The following CSF2RA variants were observed in gnomAD, a reference collection of about 807,000 sequenced individuals.
The protein encoded by CSF2RA is colony stimulating factor 2 receptor subunit alpha.
CSF2RA carries 42 observed loss-of-function variants against 51.6 expected under a neutral mutation model. The observed-to-expected ratio is 0.81, with a 90% CI of 0.64 to 1.05. The LOEUF is 1.05. Among genes scored for constraint, CSF2RA ranks in the 50% least tolerant of loss-of-function variants. The pLI is 0.00. For missense variants in CSF2RA, 530 were observed against 501.1 expected, an observed-to-expected ratio of 1.06 and a Z score of -0.55; for synonymous variants, 222 against 193.0, an observed-to-expected ratio of 1.15 and a Z score of -1.24.
At chrX:1,308,357 G>T (rs749855211) in intron 12 of CSF2RA, among the ~76,000 whole-genome samples, 2 of 152,228 alleles carry the variant, frequency 1.3e-5, no homozygotes, top group South Asian at 4.1e-4. Context: ...AGAGATGGGG[G>T]TGGAAGAAGG....
At position 1,294,328 on chromosome X, in the gene CSF2RA, A is replaced by G; in HGVS notation, c.647A>G (p.Glu216Gly). Residue 216 changes from glutamate to glycine, a missense_variant and splice_region_variant, in exon 8 of 13, where the codon GAA becomes GGA. Physicochemically the swap from Glu to Gly is moderately conservative, Grantham distance 98. Coordinates refer to ENST00000381529, the MANE Select transcript of CSF2RA (RefSeq NM_172245.4). Reference sequence around the variant, plus strand: ...GGTGTGTCCTGCGCCCTCGTTACAGAACGATTCAACCCTCCCAGCAATGTC... The same window carrying G: ...GGTGTGTCCTGCGCCCTCGTTACAGGACGATTCAACCCTCCCAGCAATGTC... Reference protein sequence around the residue: ...FDSLLDTKKIERFNPPSNVTV... With the variant: ...FDSLLDTKKIGRFNPPSNVTV... The G allele has an allele frequency of 6.2e-7, 1 of 1,613,270 alleles. No homozygotes were observed. Among genetic ancestry groups the G allele is most frequent in the Non-Finnish European group, 8.5e-7 (1 of 1,179,838 alleles).
chrX:1,322,925 C>T, the CSF2RA span, among the ~76,000 whole-genome samples: 17 of 149,826 alleles, frequency 1.1e-4, no homozygotes, highest in Admixed American at 6.7e-4. Context: ...GTCAGGAGAT[C>T]GAGACCATCC....
downstream of CSF2RA, among the ~76,000 whole-genome samples, chrX:1,313,568 C>T: frequency 6.8e-6 from 1 of 147,530 alleles, no homozygotes; most frequent in Non-Finnish European, 1.5e-5. Flanking sequence ...AAAAAAAAGC[C>T]AGGTGTGGTG....
At chrX:1,314,879 C>CAAAGGAAG (rs1569515074), downstream of CSF2RA, among the ~76,000 whole-genome samples, 1 of 77,344 alleles carries the variant, frequency 1.3e-5, no homozygotes, top group African/African-American at 4.6e-5. Context: ...CGCACTGCAC[C>CAAAGGAAG]TGCCCAACCA....
rs377301627 is a variant in CSF2RA, at chrX:1,282,725, C to G, written c.22C>G (p.Leu8Val). MLLLVTS[L>V]LLCELPHPAF... ...CACCATGCTTCTCCTGGTGACAAGC[C>G]TTCTGCTCTGTGAGTTACCACACCC... The change falls in exon 3 of 13, where the codon CTT (leucine) becomes GTT (valine). Residue 8 changes from leucine (L) to valine (V), a missense_variant. Physicochemically the swap from Leu to Val is conservative, Grantham distance 32. Transcript: ENST00000381529. The G allele has an allele frequency of 2.5e-6, 4 of 1,613,846 alleles. No individual in the cohort carries two copies. Among genetic ancestry groups the G allele is most frequent in the Non-Finnish European group, 3.4e-6 (4 of 1,179,790 alleles).
downstream of CSF2RA, among the ~76,000 whole-genome samples, chrX:1,314,932 G>T (rs755418040): frequency 9.8e-5 from 10 of 102,138 alleles, no homozygotes; most frequent in African/African-American, 3.3e-4. Context: ...CAACCGCACT[G>T]CACTTGCCCA....
intron 11 of CSF2RA, among the ~76,000 whole-genome samples, chrX:1,304,864 C>T (rs1267926372): frequency 2.0e-5 from 3 of 149,578 alleles, no homozygotes; most frequent in Non-Finnish European, 3.0e-5. Context: ...GGGGTTTCAC[C>T]ACGTTGGCCA....
chrX:1,314,554 A>G (rs747928107), downstream of CSF2RA, among the ~76,000 whole-genome samples: 391 of 82,232 alleles, frequency 4.8e-3, 15 homozygotes, highest in African/African-American at 0.011. Context: ...ATCCCACTGC[A>G]CCTGCCCAAT....
intron 2 of CSF2RA, among the ~76,000 whole-genome samples, chrX:1,276,023 CAG>C (rs1445681574): frequency 4.0e-5 from 6 of 150,406 alleles, no homozygotes; most frequent in Non-Finnish European, 8.9e-5. Flanking sequence ...TTTTTTGTGA[CAG>C]AGTCTCACTC....
the CSF2RA span, among the ~76,000 whole-genome samples, chrX:1,322,447 T>TG: frequency 2.2e-5 from 2 of 89,410 alleles, no homozygotes; most frequent in African/African-American, 7.1e-5. Context: ...TTGTTTTTTT[T>TG]TTTTTTTTTT....
chrX:1,277,177 C>T (rs2089289391), intron 2 of CSF2RA, among the ~76,000 whole-genome samples: 1 of 152,026 alleles, frequency 6.6e-6, no homozygotes, highest in African/African-American at 2.4e-5. Flanking sequence ...GCTTAGAAGT[C>T]GCTCATTATA....
intron 6 of CSF2RA, among the ~76,000 whole-genome samples, chrX:1,289,328 A>G (rs1284683803): frequency 6.6e-6 from 1 of 152,102 alleles, no homozygotes; most frequent in Non-Finnish European, 1.5e-5. Context: ...GGGTTTCACC[A>G]TGCTGGCCAG....
intron 2 of CSF2RA, among the ~76,000 whole-genome samples, chrX:1,281,638 A>G (rs2090085332): frequency 6.6e-6 from 1 of 151,834 alleles, no homozygotes; most frequent in Admixed American, 6.6e-5. Context: ...TCTGAGGTCC[A>G]TGTATTCATC....
At chrX:1,289,438 G>T (rs2091117831) in intron 6 of CSF2RA, among the ~76,000 whole-genome samples, 1 of 151,972 alleles carries the variant, frequency 6.6e-6, no homozygotes, top group Non-Finnish European at 1.5e-5. Flanking sequence ...CTGTTTTTTT[G>T]GTTGTTGTTT....
At chrX:1,292,973 G>T (rs182481086) in intron 7 of CSF2RA, among the ~76,000 whole-genome samples, 1 of 152,108 alleles carries the variant, frequency 6.6e-6, no homozygotes, top group Non-Finnish European at 1.5e-5. Flanking sequence ...GCGGCTTTCC[G>T]CAGTGCATGG....
downstream of CSF2RA, among the ~76,000 whole-genome samples, chrX:1,314,016 A>G (rs2084299304): frequency 6.6e-6 from 1 of 152,004 alleles, no homozygotes; most frequent in South Asian, 2.1e-4. Context: ...ATAAAATAAA[A>G]TTAAATTAAA....
At chrX:1,291,043 T>A (rs1437778822) in intron 7 of CSF2RA, among the ~76,000 whole-genome samples, 36 of 152,156 alleles carry the variant, frequency 2.4e-4, no homozygotes, top group African/African-American at 7.5e-4. Flanking sequence ...TGTCTTAGTC[T>A]CCTTAGTAGC....
chrX:1,288,433 G>A (rs2091018358), intron 4 of CSF2RA, 86 bp from the exon 5 acceptor site: 2 of 1,521,318 alleles, frequency 1.3e-6, no homozygotes, highest in Admixed American at 3.4e-5. Flanking sequence ...AGTGAGCCGA[G>A]ATCACGCCAC....
chrX:1,288,538 C>T lies in CSF2RA; in HGVS notation c.239C>T (p.Ser80Leu), dbSNP rs201854740. The T allele has an allele frequency of 3.1e-6, 5 of 1,613,770 alleles. No homozygotes were observed. The highest frequency in any genetic ancestry group is 2.7e-5 in the African/African-American group (2 of 74,898). Residue 80 changes from serine (S) to leucine (L), a missense_variant, in exon 5 of 13, where the codon TCG (serine) becomes TTG (leucine). By Grantham distance (145) the Ser-to-Leu change is moderately radical. Coordinates refer to ENST00000381529, the MANE Select transcript of CSF2RA (RefSeq NM_172245.4). ...VEPRLSNNECSCTFREICLHE... is the reference protein window; with the variant it reads ...VEPRLSNNECLCTFREICLHE... Reference sequence around the variant, plus strand: ...CTTCAGCTCAGTAACAACGAATGTTCGTGCACATTTCGTGAAATTTGTCTG... The same window carrying T: ...CTTCAGCTCAGTAACAACGAATGTTTGTGCACATTTCGTGAAATTTGTCTG...
Sources: gnomAD v4.1 joint callset for allele counts (sites outside exome capture counted in the v4.1 genomes callset) on GRCh38, gnomAD v4.1.1 for gene constraint, MANE v1.5 for transcripts, NCBI Gene and HGNC (gene_info 2026-07-23, HGNC 2026-07-21) for gene names.